POLR3A: variants seen among roughly 807,000 people sequenced by gnomAD.
The protein encoded by POLR3A is RNA polymerase III subunit A.
In POLR3A, 112 loss-of-function variants were observed where a neutral mutation model predicts 152.8. The observed-to-expected ratio is 0.73, with a 90% CI of 0.63 to 0.86. The LOEUF (loss-of-function observed/expected upper bound fraction) is 0.86. Ranked by LOEUF, POLR3A falls within the 40% of genes least tolerant of loss-of-function variation. The pLI is 0.00. For synonymous variants in POLR3A, 615 were observed against 652.1 expected, an observed-to-expected ratio of 0.94 and a Z score of 0.87; for missense variants, 1,385 against 1,743.1, an observed-to-expected ratio of 0.79 and a Z score of 3.66.
rs760731819 is a variant in POLR3A at position 77,982,805 on chromosome 10, T to C, written c.3442A>G (p.Thr1148Ala). 5.0e-6 allele frequency: 8 copies of C among 1,613,930 alleles called. No individual in the cohort carries two copies. In the African/African-American group the frequency reaches 6.7e-5, roughly 13 times the overall value. Residue 1148 changes from threonine (T) to alanine (A), a missense_variant, in exon 27 of 31, where the codon ACA becomes GCA. By Grantham distance (58) the Thr-to-Ala change is moderately conservative (BLOSUM62 0). Coordinates refer to ENST00000372371, the MANE Select transcript of POLR3A (RefSeq NM_007055.4). ...RLLRLEVNAE[T>A]VRYSICTSKL... The stretch of plus-strand genomic sequence containing the variant: ...GATGTGCAGATGGAATATCTCACTG[T>C]CTCAGCGTTCACCTGCAACATGGCC...
intron 15 of POLR3A, among the ~76,000 whole-genome samples, chr10:78,006,594 TA>T (rs1190924745): frequency 6.6e-6 from 1 of 151,946 alleles, no homozygotes; most frequent in Non-Finnish European, 1.5e-5. Context: ...CTAGGAGTTC[TA>T]ATATGTAATT....
At chr10:78,024,863 T>C in intron 4 of POLR3A, 108 bp downstream of exon 4, 1 of 1,463,038 alleles carries the variant, frequency 6.8e-7, no homozygotes, top group Non-Finnish European at 9.5e-7. Flanking sequence ...TTAAGCCTAA[T>C]TTATAAGGAG....
intron 18 of POLR3A, among the ~76,000 whole-genome samples, 175 bp from the exon 19 acceptor site, chr10:78,000,293 A>G (rs902392723): frequency 6.6e-6 from 1 of 152,230 alleles, no homozygotes; most frequent in African/African-American, 2.4e-5. Flanking sequence ...ACTTTATACC[A>G]GGGACAAGGA....
chr10:78,004,469 CATG>C (rs1847391036), intron 16 of POLR3A, among the ~76,000 whole-genome samples: 1 of 152,146 alleles, frequency 6.6e-6, no homozygotes. Context: ...TTAGGAGGGA[CATG>C]AGGATCTGAT....
chr10:77,987,418 T>A (rs1468712884), intron 21 of POLR3A, among the ~76,000 whole-genome samples: 1 of 152,116 alleles, frequency 6.6e-6, no homozygotes, highest in Non-Finnish European at 1.5e-5. Context: ...TGAGTACAGA[T>A]GCCCACACAT....
At position 77,985,155 on chromosome 10, in the gene POLR3A, A is replaced by T. The variant is rs1198042705; in HGVS notation, c.3242+15T>A. The T allele has an allele frequency of 6.2e-7, 1 of 1,608,728 alleles. No homozygotes were observed. The highest frequency in any genetic ancestry group is 8.5e-7 in the Non-Finnish European group (1 of 1,174,996). On this transcript the variant is annotated intron_variant, in intron 24 of 30. Transcript: ENST00000372371. ...ACAGGCATGTGTGGAACAAGAAGGAAATGAAAGCAGGCACCTGATGGCCTT... is the reference window on the plus strand; with the variant it reads ...ACAGGCATGTGTGGAACAAGAAGGATATGAAAGCAGGCACCTGATGGCCTT...
chr10:77,987,552 A>C (rs899295927), intron 21 of POLR3A, among the ~76,000 whole-genome samples: 1 of 152,170 alleles, frequency 6.6e-6, no homozygotes, highest in African/African-American at 2.4e-5. Context: ...TGCCCTGCCC[A>C]AAGTCCACTC....
chr10:78,004,961 C>T, intron 15 of POLR3A, 73 bp from the exon 16 acceptor site: 5 of 1,161,226 alleles, frequency 4.3e-6, no homozygotes, highest in Non-Finnish European at 5.2e-6. Context: ...CAGTTTATGC[C>T]TGCTAGATAT....
chr10:77,981,082 AG>A (rs1280482315), intron 29 of POLR3A, among the ~76,000 whole-genome samples: 2 of 152,170 alleles, frequency 1.3e-5, no homozygotes, highest in African/African-American at 4.8e-5. Context: ...GGGTTTAATA[AG>A]AAAGAAACAC....
At chr10:78,005,477 A>T (rs1847402166) in intron 15 of POLR3A, among the ~76,000 whole-genome samples, 1 of 152,254 alleles carries the variant, frequency 6.6e-6, no homozygotes, top group East Asian at 1.9e-4. Context: ...TCCAACTTTG[A>T]TGGAACTAGG....
chr10:77,984,171 A>G (rs1847174900), intron 25 of POLR3A, 34 bp downstream of exon 25: 2 of 1,405,464 alleles, frequency 1.4e-6, no homozygotes, highest in South Asian at 1.1e-5. Flanking sequence ...TTGCTGAGCT[A>G]GTTTTCTTGT....
intron 5 of POLR3A, among the ~76,000 whole-genome samples, chr10:78,023,211 A>T (rs1258828973): frequency 6.6e-6 from 1 of 151,944 alleles, no homozygotes; most frequent in Non-Finnish European, 1.5e-5. Context: ...CTATAATCCC[A>T]GCACTTAGAG....
At chr10:78,019,510 G>A (rs1589317095) in intron 8 of POLR3A, 11 of 552,380 alleles carry the variant, frequency 2.0e-5, no homozygotes, top group Admixed American at 3.1e-5. Context: ...CTTTCCTGGT[G>A]CTTGGTTTCC....
intron 18 of POLR3A, among the ~76,000 whole-genome samples, chr10:78,000,641 G>GCCT (rs1277710271): frequency 6.6e-6 from 1 of 152,212 alleles, no homozygotes; most frequent in Non-Finnish European, 1.5e-5. Flanking sequence ...CCTTACATGG[G>GCCT]TAAATTATAT....
At chr10:78,005,083 A>G (rs538660646) in intron 15 of POLR3A, among the ~76,000 whole-genome samples, 195 bp from the exon 16 acceptor site, 45 of 152,398 alleles carry the variant, frequency 3.0e-4, no homozygotes, top group African/African-American at 1.1e-3. Flanking sequence ...CTCAGTCATT[A>G]GGGAGTTACA....
intron 11 of POLR3A, 68 bp downstream of exon 11, chr10:78,013,582 A>G (rs1847487400): frequency 3.2e-6 from 5 of 1,543,978 alleles, no homozygotes; most frequent in South Asian, 1.1e-5. Context: ...TGGTGTTTTC[A>G]TGTAAGTTTC....
At chr10:78,026,764 C>T (rs894667916) in intron 1 of POLR3A, among the ~76,000 whole-genome samples, 1 of 152,154 alleles carries the variant, frequency 6.6e-6, no homozygotes, top group African/African-American at 2.4e-5. Flanking sequence ...ATGTTGATGT[C>T]TATCAAATCT....
chr10:77,980,080 C>T, intron 30 of POLR3A, 61 bp downstream of exon 30: 1 of 1,499,604 alleles, frequency 6.7e-7, no homozygotes, highest in Non-Finnish European at 9.3e-7. Context: ...GGAAGCCTAG[C>T]CATGGTCTAT....
Position 78,001,236 on chromosome 10 carries a change from A to G in POLR3A, c.2360-142T>C, listed in dbSNP as rs1488609615. The stretch of plus-strand genomic sequence containing the variant: ...CTGGAACAGTAGAAGACAGAAATAC[A>G]ATCAAGACAACAAGGAGCTGTCAGG... On this transcript the variant is annotated intron_variant, in intron 17 of 30. Coordinates refer to ENST00000372371, the MANE Select transcript of POLR3A (RefSeq NM_007055.4). The G allele has an allele frequency of 1.2e-5, 7 of 607,256 alleles. No individual in the cohort carries two copies. In the East Asian group the frequency reaches 2.4e-4, roughly 20 times the overall value. 37.6% of individuals were successfully genotyped at this position (607,256 alleles called of 1,614,324 possible).
Sources: allele counts gnomAD v4.1 joint callset (sites outside exome capture counted in the v4.1 genomes callset), GRCh38; gene constraint gnomAD v4.1.1; transcripts MANE v1.5; gene names NCBI Gene and HGNC (gene_info 2026-07-23, HGNC 2026-07-21).